Variants in GAP43 observed in about 807,000 individuals in gnomAD.
GAP43 encodes growth associated protein 43.
In GAP43, 6 loss-of-function variants were observed where a neutral mutation model predicts 18.6. That is an observed-to-expected ratio of 0.32 (90% CI 0.18 to 0.64). The LOEUF is 0.64. Ranked by LOEUF, GAP43 falls within the 30% of genes least tolerant of loss-of-function variation. GAP43 has a pLI of 0.78. For synonymous variants in GAP43, 115 were observed against 111.4 expected, an observed-to-expected ratio of 1.03 and a Z score of -0.20; for missense variants, 292 against 295.5, an observed-to-expected ratio of 0.99 and a Z score of 0.09.
At chr3:115,647,218 G>T (rs982456885) in intron 1 of GAP43, among the ~76,000 whole-genome samples, 1 of 151,966 alleles carries the variant, frequency 6.6e-6, no homozygotes, top group African/African-American at 2.4e-5. Context: ...ACATGAGAAG[G>T]CTCGGTCTAT....
chr3:115,716,714 ACAAATATATATATATATATATATAT>A lies in GAP43; in HGVS notation c.629-4079_629-4055del, dbSNP rs1709507292. ...AAGTAAAAAATTACTTTAATCTCAG[ACAAATATATATATATATATATATAT>A]ATATATATATATATATATATATATA... On this transcript the variant is annotated intron_variant, in intron 2 of 2. Transcript: ENST00000305124. Among the ~76,000 whole-genome samples, 488 of 64,026 alleles carry A rather than the reference ACAAATATATATATATATATATATAT, an allele frequency of 7.6e-3. 11 individuals carry two copies. The highest frequency in any genetic ancestry group is 0.01 in the Non-Finnish European group (332 of 31,888). 42.0% of individuals were successfully genotyped at this position (64,026 alleles called of 152,430 possible).
intron 1 of GAP43, among the ~76,000 whole-genome samples, chr3:115,659,806 G>C (rs1425294782): frequency 1.3e-5 from 2 of 152,100 alleles, no homozygotes; most frequent in Non-Finnish European, 2.9e-5. Context: ...TTCCCTCTCT[G>C]TTTTCTGACC....
intron 1 of GAP43, among the ~76,000 whole-genome samples, chr3:115,637,218 C>T (rs565249288): frequency 2.6e-5 from 4 of 152,106 alleles, no homozygotes; most frequent in African/African-American, 7.2e-5. Flanking sequence ...CATCCATTTG[C>T]GTTTTTATGT....
intron 1 of GAP43, among the ~76,000 whole-genome samples, 173 bp downstream of exon 1, chr3:115,623,892 T>C (rs888010540): frequency 6.6e-6 from 1 of 152,212 alleles, no homozygotes; most frequent in African/African-American, 2.4e-5. Context: ...CTGTCTTTCA[T>C]GCTCTGGTTT....
At position 115,631,182 on chromosome 3, in the gene GAP43, T is replaced by C. The variant is rs541910286; in HGVS notation, c.30+7463T>C. Among the ~76,000 whole-genome samples, 14 of 152,340 alleles carry C rather than the reference T, an allele frequency of 9.2e-5. No individual in the cohort carries two copies. In the South Asian group the frequency reaches 2.9e-3, roughly 32 times the overall value. ...ATGTGATCTTCCAGATTTCCTATCC[T>C]TAATTATTTACAGATCTTATTTTCT... On this transcript the variant is annotated intron_variant, in intron 1 of 2. Coordinates refer to ENST00000305124, the MANE Select transcript of GAP43 (RefSeq NM_002045.4).
At chr3:115,681,257 A>G (rs996947988) in intron 2 of GAP43, among the ~76,000 whole-genome samples, 10 of 152,340 alleles carry the variant, frequency 6.6e-5, no homozygotes, top group Admixed American at 3.9e-4. Context: ...TATTCCAAGA[A>G]TAGGGACAAA....
At chr3:115,673,354 G>T (rs947726282) in intron 1 of GAP43, among the ~76,000 whole-genome samples, 30 of 152,242 alleles carry the variant, frequency 2.0e-4, no homozygotes, top group African/African-American at 7.0e-4. Flanking sequence ...CTTTTCAGGA[G>T]TTTCATCCCC....
At chr3:115,645,367 G>C (rs1708446019) in intron 1 of GAP43, among the ~76,000 whole-genome samples, 1 of 151,914 alleles carries the variant, frequency 6.6e-6, no homozygotes, top group African/African-American at 2.4e-5. Context: ...GCCTTCACTT[G>C]AAGTAGTGAG....
chr3:115,678,526 G>T (rs1368695557), intron 2 of GAP43, among the ~76,000 whole-genome samples: 1 of 152,094 alleles, frequency 6.6e-6, no homozygotes, highest in African/African-American at 2.4e-5. Context: ...GTAGTAAGTT[G>T]TCAACAAATG....
At chr3:115,669,752 C>G (rs574787121) in intron 1 of GAP43, among the ~76,000 whole-genome samples, 1 of 152,184 alleles carries the variant, frequency 6.6e-6, no homozygotes, top group South Asian at 2.1e-4. Context: ...TTAAAGTGGA[C>G]TGAAGACCCA....
At chr3:115,666,131 T>TG (rs1225275050) in intron 1 of GAP43, among the ~76,000 whole-genome samples, 1 of 151,874 alleles carries the variant, frequency 6.6e-6, no homozygotes, top group African/African-American at 2.4e-5. Context: ...GGTGAAGTTT[T>TG]GGGGGGTGGG....
At chr3:115,711,948 A>G (rs183291732) in intron 2 of GAP43, among the ~76,000 whole-genome samples, 2 of 152,358 alleles carry the variant, frequency 1.3e-5, no homozygotes, top group East Asian at 3.9e-4. Flanking sequence ...TCTTATTCCA[A>G]AAATTATTGA....
chr3:115,715,264 G>A (rs543707906), intron 2 of GAP43, among the ~76,000 whole-genome samples: 1 of 152,268 alleles, frequency 6.6e-6, no homozygotes, highest in South Asian at 2.1e-4. Flanking sequence ...AAGTTTTAAT[G>A]TTTAATACAA....
chr3:115,691,696 T>C (rs1395934448), intron 2 of GAP43, among the ~76,000 whole-genome samples: 1 of 152,204 alleles, frequency 6.6e-6, no homozygotes, highest in East Asian at 1.9e-4. Context: ...CAGTCTCTTT[T>C]GGGAGTCAGA....
intron 2 of GAP43, among the ~76,000 whole-genome samples, chr3:115,693,596 A>T (rs931695195): frequency 1.3e-5 from 2 of 152,146 alleles, no homozygotes; most frequent in African/African-American, 2.4e-5. Context: ...TGTTAAATTC[A>T]ATTTAGAGTG....
Position 115,676,571 on chromosome 3 carries a change from A to C in GAP43, c.589A>C (p.Thr197Pro). ...AAAKATAQPPTETGESSQAEE... is the reference protein window; with the variant it reads ...AAAKATAQPPPETGESSQAEE... ...TGCCAAGGCAACAGCCCAGCCTCCA[A>C]CGGAGACTGGGGAGAGCAGCCAAGC... The change falls in exon 2 of 3, where the codon ACG becomes CCG. Residue 197 changes from threonine (T) to proline (P), a missense_variant. Transcript: ENST00000305124. 6.2e-7 allele frequency: 1 copy of C among 1,611,296 alleles called. No individual in the cohort carries two copies. Among genetic ancestry groups the C allele is most frequent in the Non-Finnish European group, 8.5e-7 (1 of 1,179,560 alleles).
At chr3:115,648,389 G>A (rs1389672237) in intron 1 of GAP43, among the ~76,000 whole-genome samples, 2 of 151,972 alleles carry the variant, frequency 1.3e-5, no homozygotes, top group African/African-American at 4.8e-5. Context: ...GAACTCCATT[G>A]TCCTATTTCA....
At position 115,709,844 on chromosome 3, in the gene GAP43, C is replaced by CATATATAT. The variant is rs149885836; in HGVS notation, c.629-10936_629-10929dup. On this transcript the variant is annotated intron_variant, in intron 2 of 2. Coordinates refer to ENST00000305124, the MANE Select transcript of GAP43 (RefSeq NM_002045.4). ...CATTTTGCAAGTATACATGAACATA[C>CATATATAT]ATATATATATATATATATATACACA... 2.3e-3 allele frequency among the ~76,000 whole-genome samples: 342 copies of CATATATAT among 148,022 alleles called. 2 individuals are homozygous for CATATATAT. Among genetic ancestry groups the CATATATAT allele is most frequent in the African/African-American group, 7.3e-3 (295 of 40,254 alleles).
chr3:115,665,989 AGT>A (rs34314907), intron 1 of GAP43, among the ~76,000 whole-genome samples: 3,368 of 61,584 alleles, frequency 0.055, 40 homozygotes, highest in East Asian at 0.17. Context: ...TGGCTAAATG[AGT>A]GTGTGTGTGT....
Sources: gnomAD v4.1 joint callset for allele counts (sites outside exome capture counted in the v4.1 genomes callset) on GRCh38, gnomAD v4.1.1 for gene constraint, MANE v1.5 for transcripts, NCBI Gene and HGNC (gene_info 2026-07-23, HGNC 2026-07-21) for gene names.